The following KLHL4 variants were observed in gnomAD, a reference collection of about 807,000 sequenced individuals.
KLHL4 encodes the protein kelch like family member 4.
Under a neutral mutation model 45.8 loss-of-function variants are expected in KLHL4, and 17 were observed. That is an observed-to-expected ratio of 0.37 (90% CI 0.25 to 0.56). The LOEUF (loss-of-function observed/expected upper bound fraction) is 0.56, where lower values mean the gene tolerates loss of function less well. Among genes scored for constraint, KLHL4 ranks in the 20% least tolerant of loss-of-function variants. The pLI, the probability that KLHL4 is intolerant of heterozygous loss-of-function variation, is 0.79. For missense variants in KLHL4, 544 were observed against 544.9 expected (o/e 1.00, Z 0.02); for synonymous variants, 224 against 189.9 (o/e 1.18, Z -1.47).
intron 1 of KLHL4, among the ~76,000 whole-genome samples, chrX:87,546,314 G>A (rs1198218654): frequency 9.0e-6 from 1 of 111,726 alleles, no homozygotes; most frequent in Non-Finnish European, 1.9e-5. Context: ...CATGGTAAAA[G>A]GGGCCAATGT....
At chrX:87,586,743 C>A (rs748835603) in intron 1 of KLHL4, among the ~76,000 whole-genome samples, 3 of 110,379 alleles carry the variant, frequency 2.7e-5, no homozygotes, top group Non-Finnish European at 3.8e-5. Context: ...GAAATGAAAT[C>A]CAAAATTAGC....
chrX:87,580,784 A>G (rs1423760567), intron 1 of KLHL4, among the ~76,000 whole-genome samples: 1 of 112,393 alleles, frequency 8.9e-6, no homozygotes, highest in Non-Finnish European at 1.9e-5. Context: ...CCAAACTTGA[A>G]ATAATTGATT....
At chrX:87,638,128 C>G (rs1374098697) in intron 9 of KLHL4, among the ~76,000 whole-genome samples, 6 of 109,534 alleles carry the variant, frequency 5.5e-5, no homozygotes, top group African/African-American at 2.0e-4. Context: ...CAAATTAACC[C>G]AATCCGACAA....
intron 1 of KLHL4, among the ~76,000 whole-genome samples, chrX:87,543,436 T>C (rs1028011593): frequency 4.5e-5 from 5 of 111,315 alleles, no homozygotes; most frequent in Non-Finnish European, 9.4e-5. Context: ...TTTAACTTCA[T>C]GTACATGAAA....
chrX:87,618,685 G>T (rs1220753357), intron 4 of KLHL4, among the ~76,000 whole-genome samples: 2 of 110,796 alleles, frequency 1.8e-5, no homozygotes, highest in African/African-American at 6.6e-5. Context: ...ATTTTTAGTA[G>T]ACATGGGGTT....
intron 1 of KLHL4, among the ~76,000 whole-genome samples, chrX:87,570,795 T>G (rs1252039577): frequency 9.0e-6 from 1 of 110,981 alleles, no homozygotes; most frequent in African/African-American, 3.3e-5. Context: ...GAAGGCGAAG[T>G]GTATGAAATA....
chrX:87,667,742 T>C lies in KLHL4; in HGVS notation c.*1208T>C. On this transcript the variant is annotated 3_prime_UTR_variant, in exon 11 of 11. Coordinates refer to ENST00000373119, the MANE Select transcript of KLHL4 (RefSeq NM_019117.5). The stretch of plus-strand genomic sequence containing the variant: ...TTGTGAAAGTAACTTTTCAAGTAAA[T>C]GCACAACTTTAGAATTTCTACAAAT... The C allele has an allele frequency of 1.4e-6, 1 of 698,992 alleles. No homozygotes were observed. The highest frequency in any genetic ancestry group is 1.7e-6 in the Non-Finnish European group (1 of 588,788). 57.6% of individuals were successfully genotyped at this position (698,992 alleles called of 1,213,427 possible). A position where few individuals can be genotyped will look rare whatever the true frequency, so the allele number is the denominator to read the frequency against.
intron 1 of KLHL4, among the ~76,000 whole-genome samples, chrX:87,546,955 C>G (rs1376923814): frequency 8.9e-6 from 1 of 112,191 alleles, no homozygotes; most frequent in Non-Finnish European, 1.9e-5. Flanking sequence ...TCTGTTGTAT[C>G]TTGGAAGTAC....
chrX:87,586,107 G>C (rs940951267), intron 1 of KLHL4, among the ~76,000 whole-genome samples: 1 of 111,265 alleles, frequency 9.0e-6, no homozygotes, highest in African/African-American at 3.3e-5. Flanking sequence ...ACCCAACACT[G>C]GAGCACACAG....
chrX:87,580,854 T>C lies in KLHL4; in HGVS notation c.423-33023T>C, dbSNP rs146798421. Reference sequence around the variant, plus strand: ...CTTGCACAACACTATATAGACCAAATGAACATAAAAGAAATAGACATCACT... The same window carrying C: ...CTTGCACAACACTATATAGACCAAACGAACATAAAAGAAATAGACATCACT... On this transcript the variant is annotated intron_variant, in intron 1 of 10. Coordinates refer to ENST00000373119, the MANE Select transcript of KLHL4 (RefSeq NM_019117.5). Among the ~76,000 whole-genome samples the C allele has an allele frequency of 7.9e-3, 878 of 111,712 alleles. 7 individuals are homozygous for C. Among genetic ancestry groups the C allele is most frequent in the Non-Finnish European group, 0.011 (594 of 53,123 alleles).
intron 9 of KLHL4, among the ~76,000 whole-genome samples, chrX:87,653,927 A>G (rs935779360): frequency 9.9e-5 from 11 of 111,067 alleles, no homozygotes; most frequent in Non-Finnish European, 1.9e-4. Context: ...GGAGCTGAAC[A>G]AGGAGAACAC....
intron 8 of KLHL4, 70 bp downstream of exon 8, chrX:87,633,981 C>A: frequency 1.1e-6 from 1 of 877,277 alleles, no homozygotes; most frequent in Non-Finnish European, 1.6e-6. Context: ...TGACATGATC[C>A]ATCCAATCAA....
intron 6 of KLHL4, 105 bp from the exon 7 acceptor site, chrX:87,632,105 T>C (rs1448208333): frequency 4.3e-6 from 2 of 466,672 alleles, no homozygotes; most frequent in African/African-American, 4.9e-5. Flanking sequence ...TTGTAATCAC[T>C]GATACTGTGC....
chrX:87,669,737 C>T lies in KLHL4; in HGVS notation c.*3203C>T, dbSNP rs1164186910. The T allele has an allele frequency of 1.3e-5, 2 of 150,730 alleles. No homozygotes were observed. Among genetic ancestry groups the T allele is most frequent in the East Asian group, 3.4e-4 (2 of 5,833 alleles). 12.4% of individuals were successfully genotyped at this position (150,730 alleles called of 1,213,427 possible). Reference sequence around the variant, plus strand: ...TCTTCGTAATGAATTTTCTTTACATCCTGTCCACACTGCTGGAGATACTAA... The same window carrying T: ...TCTTCGTAATGAATTTTCTTTACATTCTGTCCACACTGCTGGAGATACTAA... On this transcript the variant is annotated 3_prime_UTR_variant, in exon 11 of 11. Coordinates refer to ENST00000373119, the MANE Select transcript of KLHL4 (RefSeq NM_019117.5).
intron 1 of KLHL4, among the ~76,000 whole-genome samples, chrX:87,534,298 G>T (rs902321654): frequency 9.0e-6 from 1 of 110,713 alleles, no homozygotes; most frequent in Non-Finnish European, 1.9e-5. Flanking sequence ...CACAGAATTT[G>T]ACTTATTGGT....
rs376542479 is a variant in KLHL4 at position 87,622,197 on chromosome X, C to T, written c.925-14C>T. 4.2e-5 allele frequency: 48 copies of T among 1,139,080 alleles called. No homozygotes were observed. The highest frequency in any genetic ancestry group is 5.3e-5 in the Non-Finnish European group (44 of 832,872). The allele number at this position is 1,139,080 out of a possible 1,213,427, so 93.9% of individuals were successfully genotyped here. Reference sequence around the variant, plus strand: ...TAAAGTGCAAAGTTTTAGTAGATGACCTTTCTTTTCTAGGAACACTTCATT... The same window carrying T: ...TAAAGTGCAAAGTTTTAGTAGATGATCTTTCTTTTCTAGGAACACTTCATT... On this transcript the variant is annotated splice_polypyrimidine_tract_variant and intron_variant, in intron 4 of 10. Transcript: ENST00000373119.
Position 87,666,460 on chromosome X carries a change from T to G in KLHL4, c.2098-15T>G, listed in dbSNP as rs751161684. The G allele has an allele frequency of 8.6e-7, 1 of 1,168,303 alleles. No homozygotes were observed. The highest frequency in any genetic ancestry group is 1.9e-5 in the South Asian group (1 of 53,788). On this transcript the variant is annotated splice_polypyrimidine_tract_variant and intron_variant, in intron 10 of 10. Coordinates refer to ENST00000373119, the MANE Select transcript of KLHL4 (RefSeq NM_019117.5). ...AGAGTTCCAACAGTGTTTTGTTTCT[T>G]ATTTTGTGTTTTAGGAAGTTCCTGT...
chrX:87,612,730 G>T (rs1400209594), intron 1 of KLHL4, among the ~76,000 whole-genome samples: 1 of 111,662 alleles, frequency 9.0e-6, no homozygotes, highest in African/African-American at 3.3e-5. Flanking sequence ...AGCATGGCAG[G>T]GTGCGGTGGC....
intron 1 of KLHL4, among the ~76,000 whole-genome samples, chrX:87,605,299 G>C (rs934137871): frequency 4.5e-5 from 5 of 111,081 alleles, no homozygotes; most frequent in Admixed American, 9.6e-5. Flanking sequence ...TTCCTGTGAG[G>C]AATGTCATTT....
Sources: gnomAD v4.1 joint callset for allele counts (sites outside exome capture counted in the v4.1 genomes callset) on GRCh38, gnomAD v4.1.1 for gene constraint, MANE v1.5 for transcripts, NCBI Gene and HGNC (gene_info 2026-07-23, HGNC 2026-07-21) for gene names.